The following LRP1B variants were observed in gnomAD, a reference collection of about 807,000 sequenced individuals.
LRP1B encodes the protein low-density lipoprotein receptor-related protein 1B.
In LRP1B, 217 loss-of-function variants were observed where a neutral mutation model predicts 556.6. The ratio of observed to expected loss-of-function variants is 0.39; its 90% CI spans 0.35 to 0.44. The LOEUF is 0.44. LRP1B is among the 20% of genes least tolerant of loss of function. The pLI, the probability that LRP1B is intolerant of heterozygous loss-of-function variation, is 1.00. For synonymous variants in LRP1B, 2,047 were observed against 1,865.8 expected (o/e 1.10, Z -2.50); for missense variants, 5,053 against 5,620.8 (o/e 0.90, Z 3.23).
chr2:141,859,455 A>G (rs956696539), intron 1 of LRP1B, among the ~76,000 whole-genome samples: 9 of 152,172 alleles, frequency 5.9e-5, no homozygotes, highest in Non-Finnish European at 1.5e-5. Context: ...ATGATTTTCC[A>G]TTAAACATGA....
At chr2:140,741,251 A>C (rs1559088910) in intron 35 of LRP1B, among the ~76,000 whole-genome samples, 1 of 152,124 alleles carries the variant, frequency 6.6e-6, no homozygotes, top group Non-Finnish European at 1.5e-5. Flanking sequence ...AATAAATTTC[A>C]TTTCACCCCC....
chr2:140,421,140 A>G (rs922628853), intron 66 of LRP1B, among the ~76,000 whole-genome samples: 12 of 152,060 alleles, frequency 7.9e-5, no homozygotes, highest in Admixed American at 5.2e-4. Flanking sequence ...TCTGTAGTCC[A>G]TCCACTCGGG....
chr2:140,431,873 G>T (rs530331744), intron 66 of LRP1B, among the ~76,000 whole-genome samples: 1 of 151,878 alleles, frequency 6.6e-6, no homozygotes, highest in Non-Finnish European at 1.5e-5. Flanking sequence ...AATCCCTCTC[G>T]AAGCAGCCCT....
At chr2:140,816,293 T>C (rs1362810459) in intron 31 of LRP1B, among the ~76,000 whole-genome samples, 1 of 151,926 alleles carries the variant, frequency 6.6e-6, no homozygotes, top group African/African-American at 2.4e-5. Context: ...AATTTTTGTA[T>C]TTTTAGTAGA....
intron 7 of LRP1B, among the ~76,000 whole-genome samples, chr2:141,142,076 CA>C (rs1701667037): frequency 9.7e-6 from 1 of 102,640 alleles, no homozygotes; most frequent in Non-Finnish European, 1.9e-5. Flanking sequence ...AAGGCATCAA[CA>C]ATCTGGTATA....
intron 41 of LRP1B, among the ~76,000 whole-genome samples, chr2:140,612,598 C>T (rs1683108504): frequency 1.3e-5 from 2 of 152,020 alleles, no homozygotes; most frequent in African/African-American, 4.8e-5. Flanking sequence ...CATCTCCTAC[C>T]TTTTTATTTG....
At chr2:140,491,099 A>C (rs2105371435) in intron 57 of LRP1B, among the ~76,000 whole-genome samples, 1 of 152,274 alleles carries the variant, frequency 6.6e-6, no homozygotes, top group African/African-American at 2.4e-5. Context: ...CATTAAGAAC[A>C]ATTTTTGACA....
chr2:140,705,786 A>G (rs182919559), intron 37 of LRP1B, among the ~76,000 whole-genome samples: 1 of 152,264 alleles, frequency 6.6e-6, no homozygotes, highest in African/African-American at 2.4e-5. Context: ...GTGATTAGAT[A>G]TGGTATCATT....
chr2:141,192,255 C>A (rs1681548288), intron 6 of LRP1B, among the ~76,000 whole-genome samples: 1 of 151,760 alleles, frequency 6.6e-6, no homozygotes, highest in African/African-American at 2.4e-5. Context: ...TAAATTTGAC[C>A]AAATTTAATA....
intron 87 of LRP1B, among the ~76,000 whole-genome samples, chr2:140,244,300 C>T (rs1289885989): frequency 6.6e-6 from 1 of 151,166 alleles, no homozygotes; most frequent in African/African-American, 2.4e-5. Context: ...GACAAAGTAG[C>T]AAAAGAGATA....
At chr2:141,043,871 T>C (rs899344991) in intron 11 of LRP1B, among the ~76,000 whole-genome samples, 6 of 151,906 alleles carry the variant, frequency 3.9e-5, no homozygotes, top group African/African-American at 1.2e-4. Flanking sequence ...TTCAATGCCA[T>C]CCCCATCAAG....
At chr2:141,345,379 T>TC (rs1479166594) in intron 3 of LRP1B, among the ~76,000 whole-genome samples, 1 of 152,166 alleles carries the variant, frequency 6.6e-6, no homozygotes, top group African/African-American at 2.4e-5. Flanking sequence ...ACTTTTTTTT[T>TC]CTCTCCAGTG....
intron 33 of LRP1B, among the ~76,000 whole-genome samples, chr2:140,773,552 G>T (rs1182042123): frequency 6.6e-6 from 1 of 151,784 alleles, no homozygotes; most frequent in Non-Finnish European, 1.5e-5. Context: ...AGGACCTTCT[G>T]GGTCTGGGGC....
intron 57 of LRP1B, among the ~76,000 whole-genome samples, chr2:140,490,553 T>C (rs1248173264): frequency 6.6e-6 from 1 of 152,146 alleles, no homozygotes; most frequent in Non-Finnish European, 1.5e-5. Context: ...TGTCTTTTCA[T>C]TTATTTTGGC....
chr2:141,859,460 A>G (rs1298557105), intron 1 of LRP1B, among the ~76,000 whole-genome samples: 1 of 152,218 alleles, frequency 6.6e-6, no homozygotes. Context: ...TTTCCATTAA[A>G]CATGACCAAT....
At chr2:141,504,158 C>T (rs949761383) in intron 2 of LRP1B, among the ~76,000 whole-genome samples, 1 of 152,020 alleles carries the variant, frequency 6.6e-6, no homozygotes, top group Non-Finnish European at 1.5e-5. Flanking sequence ...GATGAATTCT[C>T]CAGAGGTTTC....
chr2:141,599,889 C>T (rs1687665789), intron 2 of LRP1B, among the ~76,000 whole-genome samples: 1 of 152,072 alleles, frequency 6.6e-6, no homozygotes, highest in African/African-American at 2.4e-5. Flanking sequence ...TCTATCTAAG[C>T]TTTTCCTTTC....
At chr2:141,797,282 A>C (rs1020112255) in intron 2 of LRP1B, among the ~76,000 whole-genome samples, 3 of 150,610 alleles carry the variant, frequency 2.0e-5, no homozygotes, top group Non-Finnish European at 3.0e-5. Flanking sequence ...AAAAATGTAT[A>C]GTCTGCTCAC....
intron 6 of LRP1B, among the ~76,000 whole-genome samples, chr2:141,191,227 T>G (rs1681491620): frequency 6.6e-6 from 1 of 151,992 alleles, no homozygotes; most frequent in African/African-American, 2.4e-5. Flanking sequence ...CACATAAAAT[T>G]TATATTAAAT....
Sources: allele counts gnomAD v4.1 joint callset (sites outside exome capture counted in the v4.1 genomes callset), GRCh38; gene constraint gnomAD v4.1.1; transcripts MANE v1.5; gene names NCBI Gene and HGNC (gene_info 2026-07-23, HGNC 2026-07-21).